TJP1: variants seen among roughly 807,000 people sequenced by gnomAD.
TJP1 encodes tight junction protein ZO-1.
Under a neutral mutation model 194.2 loss-of-function variants are expected in TJP1, and 43 were observed. The observed-to-expected ratio is 0.22, with a 90% CI of 0.17 to 0.29. The LOEUF is 0.29. Among genes scored for constraint, TJP1 ranks in the 10% least tolerant of loss-of-function variants. The probability of loss-of-function intolerance (pLI) is 1.00; values close to 1 mark genes in which losing one functional copy is unlikely to be tolerated. For synonymous variants in TJP1, 801 were observed against 779.0 expected (o/e 1.03, Z -0.47); for missense variants, 1,971 against 2,185.7 (o/e 0.90, Z 1.96).
At chr15:29,949,234 TACC>T (rs1423814676) in intron 2 of TJP1, among the ~76,000 whole-genome samples, 8 of 24,376 alleles carry the variant, frequency 3.3e-4, no homozygotes, top group African/African-American at 1.6e-3. Flanking sequence ...TCACCACCAC[TACC>T]TCCACCTTCA....
chr15:29,933,510 A>G (rs2054786165), intron 2 of TJP1, among the ~76,000 whole-genome samples: 1 of 152,226 alleles, frequency 6.6e-6, no homozygotes, highest in Non-Finnish European at 1.5e-5. Flanking sequence ...GAAGTTAAGG[A>G]GAATGAATCC....
chr15:29,851,421 A>C (rs1416453952), intron 2 of TJP1, among the ~76,000 whole-genome samples: 1 of 152,160 alleles, frequency 6.6e-6, no homozygotes, highest in Non-Finnish European at 1.5e-5. Context: ...GCCAACACGG[A>C]TGAAACAGGC....
intron 8 of TJP1, chr15:29,760,047 T>C: frequency 1.9e-6 from 1 of 533,362 alleles, no homozygotes; most frequent in Admixed American, 3.5e-5. Flanking sequence ...CTCCATACTG[T>C]TTTCCAGAAT....
In TJP1 at chr15:29,734,293, C is replaced by G. The variant is rs1240350718; in HGVS notation, c.1497G>C (p.Leu499Phe). ...TCTCACCATCCTTCTTCTTCTGAGC[C>G]AATATGGTCACTTCTTCTCCTTTAG... ...DLPKGEEVTILAQKKKDVYRR... is the reference protein window; with the variant it reads ...DLPKGEEVTIFAQKKKDVYRR... Residue 499 changes from leucine (L) to phenylalanine (F), a missense_variant, in exon 12 of 28, where the codon TTG becomes TTC. Physicochemically the swap from Leu to Phe is conservative, Grantham distance 22 (BLOSUM62 0). Transcript: ENST00000614355. The G allele has an allele frequency of 6.2e-7, 1 of 1,609,682 alleles. No individual in the cohort carries two copies.
intron 10 of TJP1, among the ~76,000 whole-genome samples, chr15:29,739,090 G>A (rs911667727): frequency 6.6e-6 from 1 of 151,882 alleles, no homozygotes; most frequent in Non-Finnish European, 1.5e-5. Context: ...TAGGACTTTG[G>A]AAATCCTCTT....
chr15:29,702,405 G>A (rs1467042300), intron 27 of TJP1, among the ~76,000 whole-genome samples: 2 of 152,150 alleles, frequency 1.3e-5, no homozygotes, highest in African/African-American at 4.8e-5. Context: ...ATTTCTATTA[G>A]ATGTGAAGGC....
intron 27 of TJP1, 145 bp from the exon 28 acceptor site, chr15:29,701,834 T>C: frequency 1.6e-6 from 1 of 623,714 alleles, no homozygotes; most frequent in African/African-American, 1.8e-5. Context: ...AACACATTGC[T>C]GTATTTCAAA....
At chr15:29,777,674 G>A (rs2047102052) in intron 2 of TJP1, among the ~76,000 whole-genome samples, 2 of 150,942 alleles carry the variant, frequency 1.3e-5, no homozygotes, top group South Asian at 2.1e-4. Flanking sequence ...ACAACTTTCA[G>A]GAGAGGAATT....
intron 5 of TJP1, 142 bp downstream of exon 5, chr15:29,766,124 A>G (rs967788235): frequency 5.4e-6 from 6 of 1,113,018 alleles, no homozygotes; most frequent in African/African-American, 1.6e-5. Flanking sequence ...GAAGCCTGCC[A>G]TAACAGGATT....
intron 2 of TJP1, among the ~76,000 whole-genome samples, chr15:29,867,016 G>A (rs1256328544): frequency 6.6e-6 from 1 of 152,192 alleles, no homozygotes; most frequent in Admixed American, 6.5e-5. Context: ...ACTCAAAGAT[G>A]CCTATGCTTC....
intron 2 of TJP1, among the ~76,000 whole-genome samples, chr15:29,950,281 C>T (rs369249086): frequency 8.7e-5 from 13 of 150,260 alleles, no homozygotes; most frequent in African/African-American, 3.0e-4. Context: ...CCTCCACTTC[C>T]ACCTTCACCA....
At chr15:29,815,038 T>C (rs1305190239) in intron 1 of TJP1, among the ~76,000 whole-genome samples, 2 of 152,184 alleles carry the variant, frequency 1.3e-5, no homozygotes, top group African/African-American at 4.8e-5. Flanking sequence ...CAGAGTCCAT[T>C]TATTTTCATC....
intron 1 of TJP1, among the ~76,000 whole-genome samples, chr15:29,820,033 T>C (rs2152001028): frequency 6.6e-6 from 1 of 152,292 alleles, no homozygotes; most frequent in South Asian, 2.1e-4. Flanking sequence ...CAGCAGCATA[T>C]TCATAGGATG....
At chr15:29,762,472 C>T in intron 5 of TJP1, 34 bp from the exon 6 acceptor site, 1 of 1,482,708 alleles carries the variant, frequency 6.7e-7, no homozygotes, top group South Asian at 1.2e-5. Flanking sequence ...TTTAGTATAA[C>T]ATCCTAAGAC....
rs531418716 is a variant in TJP1, at chr15:29,718,104, T to A, written c.3891A>T (p.Ala1297=). The A allele has an allele frequency of 2.5e-6, 4 of 1,599,828 alleles. No individual in the cohort carries two copies. The highest frequency in any genetic ancestry group is 1.7e-6 in the Non-Finnish European group (2 of 1,176,898). Residue 1297 remains alanine (A), a synonymous_variant, in exon 22 of 28, where the codon GCA becomes GCT. Coordinates refer to ENST00000614355, the MANE Select transcript of TJP1 (RefSeq NM_001330239.4). ...TGATGGGAGCACCTGAAGGTTTAGA[T>A]GCTACTTCTGGAGGCTGTTTAAAAA... ...DTGSFKPPEV[A]SKPSGAPIIG...
In TJP1 at chr15:29,919,238, G is replaced by T. The variant is rs74008635; in HGVS notation, c.306+36994C>A. The stretch of plus-strand genomic sequence containing the variant: ...ATGAATCAAAAAAGAGGCAAACAAG[G>T]TCTCCATCAGAGGAGAGGAGCAGAA... On this transcript the variant is annotated intron_variant, in intron 2 of 28. Coordinates refer to the TJP1 transcript ENST00000356107. Among the ~76,000 whole-genome samples, 313 of 152,296 alleles carry T rather than the reference G, an allele frequency of 2.1e-3. 2 individuals carry two copies. Among genetic ancestry groups the T allele is most frequent in the African/African-American group, 7.1e-3 (295 of 41,570 alleles).
At chr15:29,871,170 C>G (rs1238469443) in intron 2 of TJP1, among the ~76,000 whole-genome samples, 1 of 152,218 alleles carries the variant, frequency 6.6e-6, no homozygotes, top group Non-Finnish European at 1.5e-5. Context: ...CTGTCAGCAA[C>G]TCAAGGCTCA....
chr15:29,938,136 C>T (rs2054943731), intron 2 of TJP1, among the ~76,000 whole-genome samples: 1 of 152,196 alleles, frequency 6.6e-6, no homozygotes, highest in African/African-American at 2.4e-5. Flanking sequence ...ATGTAAACAG[C>T]AGTAACATGA....
chr15:29,742,550 A>G, intron 9 of TJP1, 92 bp downstream of exon 9: 1 of 1,358,726 alleles, frequency 7.4e-7, no homozygotes, highest in Non-Finnish European at 9.7e-7. Flanking sequence ...GAGAAGAATA[A>G]TAATTGCATC....
Sources: allele counts gnomAD v4.1 joint callset (sites outside exome capture counted in the v4.1 genomes callset), GRCh38; gene constraint gnomAD v4.1.1; transcripts MANE v1.5; gene names NCBI Gene and HGNC (gene_info 2026-07-23, HGNC 2026-07-21).